Variants in SLC24A2 observed in about 807,000 individuals in gnomAD.
SLC24A2 encodes sodium/potassium/calcium exchanger 2.
A neutral mutation model predicts 62.0 loss-of-function variants in SLC24A2; 36 were observed. The ratio of observed to expected loss-of-function variants is 0.58; its 90% CI spans 0.44 to 0.77. The LOEUF is 0.77. SLC24A2 is among the 30% of genes least tolerant of loss of function. SLC24A2 has a pLI of 0.00. For missense variants in SLC24A2, 846 were observed against 817.9 expected (o/e 1.03, Z -0.42); for synonymous variants, 358 against 294.0 (o/e 1.22, Z -2.23).
At chr9:20,086,336 C>T in the SLC24A2 span, among the ~76,000 whole-genome samples, 1 of 152,174 alleles carries the variant, frequency 6.6e-6, no homozygotes, top group African/African-American at 2.4e-5. Flanking sequence ...GGGCTGCTCA[C>T]CCCCGTCTCC....
chr9:20,003,871 C>T, the SLC24A2 span, among the ~76,000 whole-genome samples: 1 of 149,350 alleles, frequency 6.7e-6, no homozygotes, highest in Admixed American at 6.7e-5. Context: ...TGAAGACTGC[C>T]TGAATGTGGG....
At chr9:19,652,169 C>T (rs1425980097) in intron 2 of SLC24A2, among the ~76,000 whole-genome samples, 2 of 152,176 alleles carry the variant, frequency 1.3e-5, no homozygotes, top group East Asian at 3.8e-4. Flanking sequence ...ACTATACTCT[C>T]ATGTTTCATC....
chr9:19,524,556 T>C (rs1460632676), intron 9 of SLC24A2, among the ~76,000 whole-genome samples: 1 of 152,204 alleles, frequency 6.6e-6, no homozygotes, highest in African/African-American at 2.4e-5. Flanking sequence ...TTGAACACTA[T>C]ATAACTGCTA....
chr9:19,578,008 G>A (rs959956973), intron 5 of SLC24A2, among the ~76,000 whole-genome samples: 2 of 151,768 alleles, frequency 1.3e-5, no homozygotes, highest in African/African-American at 4.8e-5. Flanking sequence ...AACATCGTGT[G>A]TTCTCACTGA....
the SLC24A2 span, among the ~76,000 whole-genome samples, chr9:20,261,685 G>T: frequency 6.7e-6 from 1 of 150,000 alleles, no homozygotes; most frequent in Non-Finnish European, 1.5e-5. Context: ...ATCTTCTACT[G>T]GTAAAGTAAA....
the SLC24A2 span, among the ~76,000 whole-genome samples, chr9:19,811,588 T>TCAGC: frequency 2.6e-5 from 4 of 152,186 alleles, no homozygotes; most frequent in Non-Finnish European, 5.9e-5. Flanking sequence ...ATTACAGGCA[T>TCAGC]CAGCCACTGT....
At chr9:20,025,797 G>A in the SLC24A2 span, among the ~76,000 whole-genome samples, 3 of 152,174 alleles carry the variant, frequency 2.0e-5, no homozygotes, top group Admixed American at 2.0e-4. Flanking sequence ...AGGTGGAGAT[G>A]AGAGTGACAA....
At chr9:20,138,827 A>T in the SLC24A2 span, among the ~76,000 whole-genome samples, 1 of 152,252 alleles carries the variant, frequency 6.6e-6, no homozygotes, top group Non-Finnish European at 1.5e-5. Flanking sequence ...AATCCTCCCC[A>T]GTAGATGAGG....
chr9:19,863,911 T>C, the SLC24A2 span, among the ~76,000 whole-genome samples: 1 of 151,834 alleles, frequency 6.6e-6, no homozygotes, highest in Admixed American at 6.6e-5. Context: ...GTTGTTTTTT[T>C]AAAAAGTTAA....
chr9:19,576,032 T>C (rs1209056576), intron 6 of SLC24A2, among the ~76,000 whole-genome samples: 1 of 152,248 alleles, frequency 6.6e-6, no homozygotes, highest in Non-Finnish European at 1.5e-5. Flanking sequence ...TTAGCTGACT[T>C]CTTTCCAGTT....
At chr9:19,941,952 C>T in the SLC24A2 span, among the ~76,000 whole-genome samples, 1 of 152,076 alleles carries the variant, frequency 6.6e-6, no homozygotes, top group South Asian at 2.1e-4. Flanking sequence ...GGATTTCCCT[C>T]AAAAGATAAA....
chr9:19,737,683 T>C (rs568895129), intron 2 of SLC24A2, among the ~76,000 whole-genome samples: 1 of 152,108 alleles, frequency 6.6e-6, no homozygotes, highest in East Asian at 1.9e-4. Flanking sequence ...TTAAAAATGC[T>C]GTTTTTCTAA....
At chr9:19,660,749 T>G (rs1819072617) in intron 2 of SLC24A2, among the ~76,000 whole-genome samples, 1 of 152,150 alleles carries the variant, frequency 6.6e-6, no homozygotes, top group African/African-American at 2.4e-5. Flanking sequence ...GAAAGTGTAT[T>G]CTAGAACTTT....
At chr9:19,806,239 G>A in the SLC24A2 span, among the ~76,000 whole-genome samples, 5 of 152,142 alleles carry the variant, frequency 3.3e-5, no homozygotes, top group South Asian at 2.1e-4. Flanking sequence ...GAGTGCACCC[G>A]CAGATCAGGC....
At position 19,786,123 on chromosome 9, in the gene SLC24A2, G is replaced by C. The variant is rs1823163017; in HGVS notation, c.744C>G (p.Asp248Glu). Reference sequence around the variant, plus strand: ...GGAAAAATATGATCAGCATGATCAAGTCAACAATGTAGAAAGACACATCTC... The same window carrying C: ...GGAAAAATATGATCAGCATGATCAACTCAACAATGTAGAAAGACACATCTC... Reference protein sequence around the residue: ...LFRDVSFYIVDLIMLIIFFLD... With the variant: ...LFRDVSFYIVELIMLIIFFLD... The change falls in exon 2 of 11, where the codon GAC becomes GAG. Residue 248 changes from aspartate to glutamate, a missense_variant. Asp to Glu is a conservative substitution (Grantham distance 45, BLOSUM62 2). Transcript: ENST00000341998. This position sits in a 1 kb window ranked among gnomAD's most constrained non-coding sequence, Gnocchi z 5.0. 6.2e-7 allele frequency: 1 copy of C among 1,614,016 alleles called. No individual in the cohort carries two copies. Among genetic ancestry groups the C allele is most frequent in the African/African-American group, 1.3e-5 (1 of 74,920 alleles).
chr9:19,542,072 G>A (rs1438335565), intron 8 of SLC24A2, among the ~76,000 whole-genome samples: 4 of 152,244 alleles, frequency 2.6e-5, no homozygotes, highest in South Asian at 2.1e-4. Flanking sequence ...GCTCGCGCAC[G>A]GTGCACGCAC....
At chr9:20,206,864 TAAA>T in the SLC24A2 span, among the ~76,000 whole-genome samples, 1 of 92,482 alleles carries the variant, frequency 1.1e-5, no homozygotes, top group Non-Finnish European at 2.2e-5. Context: ...ATAACCCTCA[TAAA>T]AAAAAAACTA....
chr9:20,167,061 C>T, the SLC24A2 span, among the ~76,000 whole-genome samples: 1 of 151,944 alleles, frequency 6.6e-6, no homozygotes, highest in Admixed American at 6.6e-5. Context: ...GCAATCTATA[C>T]ACATCAGCCT....
intron 2 of SLC24A2, among the ~76,000 whole-genome samples, chr9:19,762,348 A>C (rs1437267875): frequency 6.6e-6 from 1 of 152,142 alleles, no homozygotes; most frequent in African/African-American, 2.4e-5. Flanking sequence ...TTTTGTTGCC[A>C]TTACTTTTGG....
Sources: gnomAD v4.1 joint callset for allele counts (sites outside exome capture counted in the v4.1 genomes callset) on GRCh38, gnomAD v4.1.1 for gene constraint, Gnocchi (gnomAD v3.1) non-coding constraint, MANE v1.5 for transcripts, NCBI Gene and HGNC (gene_info 2026-07-23, HGNC 2026-07-21) for gene names.